The following DLG2 variants were observed in gnomAD, a reference collection of about 807,000 sequenced individuals.
DLG2 encodes discs large MAGUK scaffold protein 2.
In DLG2, 45 loss-of-function variants were observed where a neutral mutation model predicts 132.5. The ratio of observed to expected loss-of-function variants is 0.34; its 90% CI spans 0.27 to 0.44. DLG2 has a LOEUF of 0.44. Ranked by LOEUF, DLG2 falls within the 20% of genes least tolerant of loss-of-function variation. The pLI, the probability that DLG2 is intolerant of heterozygous loss-of-function variation, is 1.00. For synonymous variants in DLG2, 424 were observed against 419.6 expected, an observed-to-expected ratio of 1.01 and a Z score of -0.13; for missense variants, 1,045 against 1,196.9, an observed-to-expected ratio of 0.87 and a Z score of 1.87.
chr11:84,036,115 A>G (rs995682753), intron 11 of DLG2, among the ~76,000 whole-genome samples: 19 of 152,282 alleles, frequency 1.2e-4, no homozygotes, highest in African/African-American at 4.3e-4. Context: ...AACCTGAAGC[A>G]TAGGTCCTGA....
At chr11:85,317,464 A>G (rs537839367) in intron 3 of DLG2, among the ~76,000 whole-genome samples, 8 of 152,080 alleles carry the variant, frequency 5.3e-5, no homozygotes, top group African/African-American at 1.9e-4. Context: ...AGAAATGAGT[A>G]AAAGAAAATT....
intron 7 of DLG2, among the ~76,000 whole-genome samples, chr11:84,292,088 C>T (rs2098008837): frequency 2.0e-5 from 3 of 151,926 alleles, no homozygotes; most frequent in Admixed American, 1.3e-4. Flanking sequence ...AATAACATGG[C>T]CATATTGGTT....
chr11:85,462,421 A>G (rs1006980316), intron 3 of DLG2, among the ~76,000 whole-genome samples: 20 of 152,198 alleles, frequency 1.3e-4, no homozygotes, highest in African/African-American at 4.1e-4. Context: ...ACAATGATAG[A>G]CTGGATTAAG....
At chr11:85,385,600 TA>T (rs2086258375) in intron 3 of DLG2, among the ~76,000 whole-genome samples, 1 of 152,282 alleles carries the variant, frequency 6.6e-6, no homozygotes, top group Admixed American at 6.5e-5. Flanking sequence ...ATTTAAGAAA[TA>T]AATAAGTATT....
At position 84,716,921 on chromosome 11, in the gene DLG2, C is replaced by T. The variant is rs542979409; in HGVS notation, c.358-182190G>A. On this transcript the variant is annotated intron_variant, in intron 6 of 27. Coordinates refer to ENST00000376104, the MANE Select transcript of DLG2 (RefSeq NM_001142699.3). ...TACTTACGTTTGTATCTCTAATGCC[C>T]ATCATAATGCCTAGCATGGAAAGAC... Among the ~76,000 whole-genome samples, 39 of 151,998 alleles carry T rather than the reference C, an allele frequency of 2.6e-4. 1 individual carries two copies. The highest frequency in any genetic ancestry group is 2.3e-3 in the Admixed American group (35 of 15,276).
At chr11:84,535,656 CTG>C (rs1187747990) in intron 6 of DLG2, among the ~76,000 whole-genome samples, 1 of 152,166 alleles carries the variant, frequency 6.6e-6, no homozygotes, top group East Asian at 1.9e-4. Flanking sequence ...CATCCTATTT[CTG>C]TGTCTTTTTC....
intron 4 of DLG2, among the ~76,000 whole-genome samples, chr11:85,177,729 G>A (rs1215420358): frequency 2.6e-5 from 4 of 151,914 alleles, no homozygotes; most frequent in Non-Finnish European, 4.4e-5. Flanking sequence ...ACTACTAAAA[G>A]AAAATAGTAA....
intron 19 of DLG2, among the ~76,000 whole-genome samples, chr11:83,597,769 A>T (rs984648855): frequency 6.6e-6 from 1 of 150,810 alleles, no homozygotes; most frequent in Non-Finnish European, 1.5e-5. Flanking sequence ...TGGAAGACAG[A>T]GTGAGCTCCC....
At chr11:85,623,024 C>T (rs2081828427) in intron 2 of DLG2, among the ~76,000 whole-genome samples, 1 of 151,426 alleles carries the variant, frequency 6.6e-6, no homozygotes, top group Non-Finnish European at 1.5e-5. Context: ...CACTACTGCA[C>T]TCCCACCTGG....
intron 21 of DLG2, among the ~76,000 whole-genome samples, chr11:83,529,498 A>C (rs556091239): frequency 6.6e-6 from 1 of 152,322 alleles, no homozygotes; most frequent in South Asian, 2.1e-4. Flanking sequence ...AGGCACCTTA[A>C]AAAATCATTG....
intron 3 of DLG2, among the ~76,000 whole-genome samples, chr11:85,495,224 C>T (rs928554402): frequency 1.3e-5 from 2 of 152,130 alleles, no homozygotes; most frequent in Non-Finnish European, 2.9e-5. Context: ...AATCACTGCT[C>T]TTGAATGTTT....
At chr11:83,794,726 C>G (rs1408399123) in intron 17 of DLG2, among the ~76,000 whole-genome samples, 2 of 152,058 alleles carry the variant, frequency 1.3e-5, no homozygotes, top group Non-Finnish European at 2.9e-5. Flanking sequence ...AAACTAGGCT[C>G]AGAGACTCAC....
intron 21 of DLG2, among the ~76,000 whole-genome samples, chr11:83,508,470 C>T (rs2094847082): frequency 7.0e-6 from 1 of 143,020 alleles, no homozygotes; most frequent in Admixed American, 7.0e-5. Context: ...GTCTCGATCT[C>T]CTGACCTCAT....
chr11:83,766,396 C>CT (rs35039524), intron 18 of DLG2, among the ~76,000 whole-genome samples: 7,814 of 132,354 alleles, frequency 0.059, 380 homozygotes, highest in African/African-American at 0.13. Flanking sequence ...CCTGGCCTGC[C>CT]TTTTTTTTTT....
intron 6 of DLG2, among the ~76,000 whole-genome samples, chr11:84,650,553 G>A (rs866634307): frequency 6.6e-5 from 10 of 152,028 alleles, no homozygotes; most frequent in African/African-American, 2.2e-4. Flanking sequence ...TGTTTATTTT[G>A]TTTACACTGA....
At chr11:84,983,070 C>T (rs764944250) in intron 6 of DLG2, among the ~76,000 whole-genome samples, 14 of 152,086 alleles carry the variant, frequency 9.2e-5, no homozygotes, top group Non-Finnish European at 1.8e-4. Context: ...AAGTCTTATC[C>T]AGTGCAACAA....
At chr11:84,783,158 A>G (rs1474940448) in intron 6 of DLG2, among the ~76,000 whole-genome samples, 1 of 152,202 alleles carries the variant, frequency 6.6e-6, no homozygotes, top group Admixed American at 6.5e-5. Context: ...CAGCTCTAGT[A>G]GTCTAAATTT....
intron 5 of DLG2, among the ~76,000 whole-genome samples, chr11:85,147,515 C>A (rs1224256753): frequency 6.6e-6 from 1 of 152,090 alleles, no homozygotes; most frequent in Non-Finnish European, 1.5e-5. Context: ...TGTATAAGTT[C>A]TTTATAAATT....
intron 6 of DLG2, among the ~76,000 whole-genome samples, chr11:85,076,780 G>A (rs570469669): frequency 3.3e-5 from 5 of 152,088 alleles, no homozygotes; most frequent in Non-Finnish European, 5.9e-5. Flanking sequence ...GTACTTTAAC[G>A]TTGGCTTGTC....
Sources: gnomAD v4.1 joint callset for allele counts (sites outside exome capture counted in the v4.1 genomes callset) on GRCh38, gnomAD v4.1.1 for gene constraint, MANE v1.5 for transcripts, NCBI Gene and HGNC (gene_info 2026-07-23, HGNC 2026-07-21) for gene names.